The following NEO1 variants were observed in gnomAD, a reference collection of about 807,000 sequenced individuals.
NEO1 encodes the protein neogenin 1, also known as neogenin.
Under a neutral mutation model 159.7 loss-of-function variants are expected in NEO1, and 63 were observed. The ratio of observed to expected loss-of-function variants is 0.39; its 90% CI spans 0.32 to 0.49. The LOEUF (loss-of-function observed/expected upper bound fraction) is 0.49. Ranked by LOEUF, NEO1 falls within the 20% of genes least tolerant of loss-of-function variation. The probability of loss-of-function intolerance (pLI) is 0.85; values close to 1 mark genes in which losing one functional copy is unlikely to be tolerated. For missense variants in NEO1, 1,615 were observed against 1,831.0 expected, an observed-to-expected ratio of 0.88 and a Z score of 2.15; for synonymous variants, 633 against 662.0, an observed-to-expected ratio of 0.96 and a Z score of 0.67.
At chr15:73,063,158 T>A (rs1263823481) in intron 1 of NEO1, among the ~76,000 whole-genome samples, 2 of 152,204 alleles carry the variant, frequency 1.3e-5, no homozygotes, top group Non-Finnish European at 2.9e-5. Context: ...ATAAATGAGC[T>A]AGTGCTAAAG....
chr15:73,224,127 C>T (rs934923299), intron 7 of NEO1, among the ~76,000 whole-genome samples: 1 of 152,124 alleles, frequency 6.6e-6, no homozygotes, highest in African/African-American at 2.4e-5. Context: ...GAAGATAGGG[C>T]CCCAATCCCT....
At chr15:73,208,438 C>T (rs1426493260) in intron 7 of NEO1, among the ~76,000 whole-genome samples, 1 of 152,220 alleles carries the variant, frequency 6.6e-6, no homozygotes, top group Non-Finnish European at 1.5e-5. Context: ...TTCTTTCTCA[C>T]AAGACATCCC....
At chr15:73,249,280 A>G in intron 10 of NEO1, 72 bp downstream of exon 10, 1 of 1,505,702 alleles carries the variant, frequency 6.6e-7, no homozygotes, top group Non-Finnish European at 9.1e-7. Context: ...AAAACTCAGT[A>G]GTTGCTTGAC....
intron 2 of NEO1, among the ~76,000 whole-genome samples, chr15:73,122,063 G>GTATATATATA (rs200219694): frequency 4.2e-4 from 53 of 126,350 alleles, no homozygotes; most frequent in Non-Finnish European, 6.5e-4. Flanking sequence ...GTGTGTGTGT[G>GTATATATATA]TATATATATA....
chr15:73,216,880 G>C (rs1344809425), intron 7 of NEO1, among the ~76,000 whole-genome samples: 4 of 152,096 alleles, frequency 2.6e-5, no homozygotes, highest in Non-Finnish European at 5.9e-5. Context: ...TCTGTAGGTT[G>C]CCTGTTCACT....
intron 4 of NEO1, among the ~76,000 whole-genome samples, chr15:73,130,894 A>T (rs573810137): frequency 6.6e-6 from 1 of 152,198 alleles, no homozygotes; most frequent in Non-Finnish European, 1.5e-5. Context: ...TAATGAGACA[A>T]TCCTACCCCT....
At chr15:73,082,907 T>C (rs1470104793) in intron 1 of NEO1, among the ~76,000 whole-genome samples, 1 of 152,190 alleles carries the variant, frequency 6.6e-6, no homozygotes, top group African/African-American at 2.4e-5. Flanking sequence ...AAGTGACGTT[T>C]CAGCTGAGAT....
At chr15:73,062,342 A>G (rs564992185) in intron 1 of NEO1, among the ~76,000 whole-genome samples, 7 of 152,354 alleles carry the variant, frequency 4.6e-5, no homozygotes, top group African/African-American at 1.7e-4. Context: ...TTATTCATAT[A>G]TCTATATCTT....
chr15:73,082,165 C>T (rs532451469), intron 1 of NEO1, among the ~76,000 whole-genome samples: 34 of 152,282 alleles, frequency 2.2e-4, no homozygotes, highest in African/African-American at 7.7e-4. Flanking sequence ...TGAGCCGCCA[C>T]GCCCAGCCTA....
chr15:73,218,135 A>G (rs2038010225), intron 7 of NEO1, among the ~76,000 whole-genome samples: 1 of 152,204 alleles, frequency 6.6e-6, no homozygotes, highest in African/African-American at 2.4e-5. Context: ...TTTAGCATGA[A>G]CGGCTGTTGA....
intron 1 of NEO1, among the ~76,000 whole-genome samples, chr15:73,055,108 C>T (rs1189464260): frequency 6.6e-6 from 1 of 151,990 alleles, no homozygotes; most frequent in Non-Finnish European, 1.5e-5. Flanking sequence ...AAATGGTCAG[C>T]AAGGGAGGAG....
intron 7 of NEO1, among the ~76,000 whole-genome samples, chr15:73,206,655 T>C (rs1052987239): frequency 1.3e-5 from 2 of 152,194 alleles, no homozygotes. Flanking sequence ...TCCTTTACTC[T>C]ATGGAATATC....
intron 7 of NEO1, among the ~76,000 whole-genome samples, chr15:73,188,479 T>C (rs1032137797): frequency 1.3e-5 from 2 of 152,212 alleles, no homozygotes; most frequent in Admixed American, 6.5e-5. Context: ...AACTTTTCCA[T>C]CATAAGGTTG....
At chr15:73,220,693 A>G (rs1333634707) in intron 7 of NEO1, among the ~76,000 whole-genome samples, 1 of 151,944 alleles carries the variant, frequency 6.6e-6, no homozygotes, top group Non-Finnish European at 1.5e-5. Context: ...TTCATCGCTG[A>G]TACCCTTTCT....
At chr15:73,179,729 A>G (rs1032668422) in intron 7 of NEO1, among the ~76,000 whole-genome samples, 4 of 152,228 alleles carry the variant, frequency 2.6e-5, no homozygotes, top group African/African-American at 9.6e-5. Flanking sequence ...TAACTGGTAC[A>G]CACTTCAAAT....
chr15:73,129,381 A>G (rs1474541370), intron 4 of NEO1, among the ~76,000 whole-genome samples: 1 of 152,136 alleles, frequency 6.6e-6, no homozygotes, highest in East Asian at 1.9e-4. Flanking sequence ...AAATTCAGAT[A>G]GTGTTAGGCT....
At chr15:73,224,717 T>G (rs2038478262) in intron 7 of NEO1, among the ~76,000 whole-genome samples, 1 of 152,172 alleles carries the variant, frequency 6.6e-6, no homozygotes, top group Non-Finnish European at 1.5e-5. Context: ...TCTTGTATCA[T>G]TTTTTGGATT....
chr15:73,236,030 G>A (rs962098885), intron 7 of NEO1, among the ~76,000 whole-genome samples: 5 of 152,070 alleles, frequency 3.3e-5, no homozygotes, highest in African/African-American at 1.2e-4. Context: ...CTTGTCCCTT[G>A]CCCATAACCA....
chr15:73,275,888 G>C (rs2041396337), intron 21 of NEO1, among the ~76,000 whole-genome samples: 1 of 152,126 alleles, frequency 6.6e-6, no homozygotes, highest in Admixed American at 6.5e-5. Context: ...TTGCTCTCTT[G>C]GTTTAAGAGT....
Sources: allele counts gnomAD v4.1 joint callset (sites outside exome capture counted in the v4.1 genomes callset), GRCh38; gene constraint gnomAD v4.1.1; transcripts MANE v1.5; gene names NCBI Gene and HGNC (gene_info 2026-07-23, HGNC 2026-07-21).